Variants in SEPTIN11 observed in about 807,000 individuals in gnomAD.
The protein encoded by SEPTIN11 is septin-11.
A neutral mutation model predicts 51.4 loss-of-function variants in SEPTIN11; 25 were observed. The ratio of observed to expected loss-of-function variants is 0.49; its 90% CI spans 0.35 to 0.68. The LOEUF is 0.68. SEPTIN11 is among the 30% of genes least tolerant of loss of function. SEPTIN11 has a pLI of 0.00. For synonymous variants in SEPTIN11, 174 were observed against 184.1 expected (o/e 0.95, Z 0.44); for missense variants, 381 against 520.8 (o/e 0.73, Z 2.61).
intron 7 of SEPTIN11, among the ~76,000 whole-genome samples, chr4:77,022,432 AT>A (rs139692176): frequency 2.0e-5 from 3 of 152,172 alleles, no homozygotes; most frequent in Admixed American, 6.5e-5. Context: ...GTAAAAAAAA[AT>A]TTTTTTCCAT....
At chr4:77,031,631 G>C (rs1448052638) in intron 9 of SEPTIN11, 1 of 152,242 alleles carries the variant, frequency 6.6e-6, no homozygotes, top group Non-Finnish European at 1.5e-5. Context: ...TGATACTCCA[G>C]TAGCAGCTGC....
intron 1 of SEPTIN11, 34 bp downstream of exon 1, chr4:76,949,964 G>T: frequency 6.9e-7 from 1 of 1,439,562 alleles, no homozygotes. Flanking sequence ...TGCTCCTCGG[G>T]CGCCGGGTGG....
intron 1 of SEPTIN11, among the ~76,000 whole-genome samples, chr4:76,989,323 C>G (rs899732701): frequency 2.0e-5 from 3 of 152,142 alleles, no homozygotes; most frequent in African/African-American, 7.2e-5. Context: ...AAAAATCTTT[C>G]TAAACTTAAA....
chr4:76,970,427 C>T (rs966406965), intron 1 of SEPTIN11, among the ~76,000 whole-genome samples: 8 of 152,112 alleles, frequency 5.3e-5, no homozygotes, highest in Non-Finnish European at 7.4e-5. Context: ...CTATGTAGAG[C>T]GACTTAGTCA....
rs529445374 is a variant in SEPTIN11, at chr4:76,958,822, A to C, written c.27+8892A>C. On this transcript the variant is annotated intron_variant, in intron 1 of 9. Coordinates refer to ENST00000264893, the MANE Select transcript of SEPTIN11 (RefSeq NM_018243.4). ...AATTAAAAAAAAATAAGTTTTAAAT[A>C]GTCAATGGCTGGTTATATTTTCAGA... 7.4e-5 allele frequency: 97 copies of C among 1,311,844 alleles called. 2 individuals are homozygous for C. The Middle Eastern group carries it at 8.1e-4, about 11-fold the overall frequency. 81.3% of individuals were successfully genotyped at this position (1,311,844 alleles called of 1,614,324 possible). A position where few individuals can be genotyped will look rare whatever the true frequency, so the allele number is the denominator to read the frequency against.
At chr4:76,950,811 A>G (rs986051081) in intron 1 of SEPTIN11, among the ~76,000 whole-genome samples, 10 of 151,686 alleles carry the variant, frequency 6.6e-5, no homozygotes, top group African/African-American at 2.2e-4. Context: ...CCGCATCCCC[A>G]AGTGAAAGGC....
downstream of SEPTIN11, chr4:77,038,725 C>T (rs879429661): frequency 1.3e-4 from 118 of 882,700 alleles, no homozygotes; most frequent in Non-Finnish European, 1.5e-4. Context: ...TTTCCTGCCT[C>T]GTGTGGTAGA....
intron 7 of SEPTIN11, among the ~76,000 whole-genome samples, chr4:77,026,593 C>T (rs1366555456): frequency 3.3e-5 from 5 of 152,282 alleles, no homozygotes; most frequent in African/African-American, 7.2e-5. Context: ...TTCTCCCTTC[C>T]GTCTTTTGAC....
At chr4:76,951,496 T>A (rs893848506) in intron 1 of SEPTIN11, among the ~76,000 whole-genome samples, 5 of 152,142 alleles carry the variant, frequency 3.3e-5, no homozygotes, top group African/African-American at 1.2e-4. Flanking sequence ...GGTGAGAAAA[T>A]TGAGGTCTAT....
intron 4 of SEPTIN11, among the ~76,000 whole-genome samples, chr4:77,013,188 T>C (rs906931808): frequency 2.6e-5 from 4 of 152,172 alleles, no homozygotes; most frequent in Non-Finnish European, 4.4e-5. Context: ...ATAGAGTTCA[T>C]TGAAAACGGA....
At chr4:76,961,896 T>C (rs1473274402) in intron 1 of SEPTIN11, among the ~76,000 whole-genome samples, 3 of 152,238 alleles carry the variant, frequency 2.0e-5, no homozygotes, top group Non-Finnish European at 4.4e-5. Context: ...CAGTAGTTTG[T>C]TTTCAAACCT....
At chr4:76,987,775 G>C (rs1338649263) in intron 1 of SEPTIN11, 31 of 874,270 alleles carry the variant, frequency 3.5e-5, no homozygotes, top group Non-Finnish European at 4.1e-5. Flanking sequence ...TTTTGTGTGC[G>C]AGACAGCATG....
At chr4:76,981,352 A>C (rs1245098731) in intron 1 of SEPTIN11, among the ~76,000 whole-genome samples, 2 of 152,190 alleles carry the variant, frequency 1.3e-5, no homozygotes, top group African/African-American at 4.8e-5. Context: ...GCAGCATGTG[A>C]AAAGGTTTGT....
At chr4:77,016,554 ATATT>A (rs1725246257) in intron 5 of SEPTIN11, among the ~76,000 whole-genome samples, 2 of 143,062 alleles carry the variant, frequency 1.4e-5, no homozygotes, top group African/African-American at 5.1e-5. Context: ...TATAGCATAT[ATATT>A]ATATATGCTA....
chr4:76,952,943 G>C (rs1484399840), intron 1 of SEPTIN11, among the ~76,000 whole-genome samples: 1 of 152,192 alleles, frequency 6.6e-6, no homozygotes, highest in African/African-American at 2.4e-5. Context: ...TTATGTAGCT[G>C]ATGGCCTCTC....
chr4:77,032,124 C>T (rs941957568), intron 9 of SEPTIN11: 1 of 152,048 alleles, frequency 6.6e-6, no homozygotes, highest in Non-Finnish European at 1.5e-5. Context: ...TCTCATGTTG[C>T]CTGCAGTAAA....
intron 5 of SEPTIN11, among the ~76,000 whole-genome samples, chr4:77,016,633 C>CACACACACACAT (rs1375044162): frequency 1.4e-5 from 1 of 72,746 alleles, no homozygotes; most frequent in African/African-American, 5.2e-5. Context: ...TATATATACA[C>CACACACACACAT]ATATATATAT....
intron 1 of SEPTIN11, among the ~76,000 whole-genome samples, chr4:76,968,543 A>G (rs1722121027): frequency 6.6e-6 from 1 of 152,252 alleles, no homozygotes; most frequent in Non-Finnish European, 1.5e-5. Flanking sequence ...TTTAGAAAAC[A>G]TCTTTCTAAA....
chr4:76,995,405 A>G (rs1723639850), intron 1 of SEPTIN11, among the ~76,000 whole-genome samples: 1 of 151,734 alleles, frequency 6.6e-6, no homozygotes, highest in Admixed American at 6.6e-5. Context: ...AAAAATAAAA[A>G]TAATAAATAA....
Sources: gnomAD v4.1 joint callset for allele counts (sites outside exome capture counted in the v4.1 genomes callset) on GRCh38, gnomAD v4.1.1 for gene constraint, MANE v1.5 for transcripts, NCBI Gene and HGNC (gene_info 2026-07-23, HGNC 2026-07-21) for gene names.